Variants in EYA1 observed in about 807,000 individuals in gnomAD.
The protein encoded by EYA1 is EYA transcriptional coactivator and phosphatase 1, also known as protein phosphatase EYA1.
Under a neutral mutation model 82.0 loss-of-function variants are expected in EYA1, and 16 were observed. That is an observed-to-expected ratio of 0.20 (90% CI 0.13 to 0.30). EYA1 has a LOEUF of 0.30. Among genes scored for constraint, EYA1 ranks in the 10% least tolerant of loss-of-function variants. The pLI, the probability that EYA1 is intolerant of heterozygous loss-of-function variation, is 1.00. For synonymous variants in EYA1, 261 were observed against 264.4 expected (o/e 0.99, Z 0.12); for missense variants, 633 against 730.7 (o/e 0.87, Z 1.54).
At chr8:71,451,745 A>G (rs1054222170) in intron 2 of EYA1, among the ~76,000 whole-genome samples, 4 of 152,196 alleles carry the variant, frequency 2.6e-5, no homozygotes, top group African/African-American at 9.7e-5. Context: ...TTCCAATATC[A>G]AGTCACAAGA....
intron 11 of EYA1, among the ~76,000 whole-genome samples, chr8:71,261,907 T>C (rs1414132449): frequency 6.6e-6 from 1 of 152,218 alleles, no homozygotes; most frequent in African/African-American, 2.4e-5. Context: ...CTTTATTATT[T>C]TCTACCAGAG....
At chr8:71,479,262 T>C (rs768678018) in intron 2 of EYA1, among the ~76,000 whole-genome samples, 5 of 152,120 alleles carry the variant, frequency 3.3e-5, no homozygotes, top group Non-Finnish European at 5.9e-5. Flanking sequence ...CTGGATTTGC[T>C]CATGGCTCAC....
At chr8:71,448,025 T>TTTTTTTTTTTTTTTTTTGGTAACGGAG (rs935912194) in intron 2 of EYA1, among the ~76,000 whole-genome samples, 4 of 116,738 alleles carry the variant, frequency 3.4e-5, no homozygotes, top group Non-Finnish European at 5.1e-5. Context: ...TTTTTTTTTT[T>TTTTTTTTTTTTTTTTTTGGTAACGGAG]TCTCGCTCCG....
At chr8:71,383,950 G>C (rs1035930368) in intron 2 of EYA1, among the ~76,000 whole-genome samples, 1 of 151,676 alleles carries the variant, frequency 6.6e-6, no homozygotes, top group East Asian at 1.9e-4. Context: ...AAATTTTAAA[G>C]AACAAAAATT....
At chr8:71,437,322 T>C (rs7846453) in intron 2 of EYA1, among the ~76,000 whole-genome samples, 110,517 of 151,538 alleles carry the variant, frequency 0.73, 41,668 homozygotes, top group African/African-American at 0.85. Flanking sequence ...TTATTTATCT[T>C]GTCTGCTGAA....
At chr8:71,313,175 T>G (rs1821542377) in intron 7 of EYA1, among the ~76,000 whole-genome samples, 1 of 152,176 alleles carries the variant, frequency 6.6e-6, no homozygotes, top group South Asian at 2.1e-4. Context: ...CTCCTGATTT[T>G]TTTCTTCATG....
chr8:71,216,822 A>C lies in EYA1; in HGVS notation c.1230T>G (p.Pro410=). Residue 410 remains proline, a synonymous_variant, in exon 14 of 18, where the codon CCT becomes CCG. Transcript: ENST00000340726. ...ATAAGTTAGCACTGGTTGCTGCAGC[A>C]GGAAAGCCATCTGTTCCAAAGTTAT... The part of the protein sequence containing the change: ...STYNFGTDGF[P]AAATSANLCL... The C allele has an allele frequency of 6.2e-7, 1 of 1,614,196 alleles. No individual in the cohort carries two copies. Among genetic ancestry groups the C allele is most frequent in the Non-Finnish European group, 8.5e-7 (1 of 1,180,012 alleles).
At chr8:71,413,667 T>C (rs529876614) in intron 2 of EYA1, among the ~76,000 whole-genome samples, 1 of 152,218 alleles carries the variant, frequency 6.6e-6, no homozygotes, top group African/African-American at 2.4e-5. Flanking sequence ...AAATAAGGTA[T>C]CCCAATTGTG....
chr8:71,468,645 T>C (rs1485711149), intron 2 of EYA1, among the ~76,000 whole-genome samples: 1 of 152,150 alleles, frequency 6.6e-6, no homozygotes, highest in Non-Finnish European at 1.5e-5. Context: ...CATAAACATT[T>C]CTTAATGATG....
intron 4 of EYA1, among the ~76,000 whole-genome samples, chr8:71,330,085 C>T (rs573461041): frequency 3.4e-4 from 52 of 152,194 alleles, no homozygotes; most frequent in African/African-American, 1.1e-3. Flanking sequence ...GTAAGCAAGG[C>T]GGGCAGGCAA....
At chr8:71,394,403 T>A (rs1323325582) in intron 2 of EYA1, among the ~76,000 whole-genome samples, 8 of 152,226 alleles carry the variant, frequency 5.3e-5, no homozygotes, top group Non-Finnish European at 1.2e-4. Flanking sequence ...TCGGTTTTCT[T>A]CTAGGGTTGT....
intron 3 of EYA1, among the ~76,000 whole-genome samples, chr8:71,338,098 T>TTATATA (rs1408573910): frequency 0.017 from 2,591 of 152,346 alleles, 72 homozygotes; most frequent in African/African-American, 0.06. Context: ...TATAGATAAC[T>TTATATA]GGGTCCAAAT....
intron 1 of EYA1, among the ~76,000 whole-genome samples, chr8:71,357,391 C>A (rs988999027): frequency 6.6e-6 from 1 of 152,262 alleles, no homozygotes; most frequent in Non-Finnish European, 1.5e-5. Context: ...CTTTGACAGT[C>A]ACTGCCCTTC....
At chr8:71,456,009 C>G (rs575991757) in intron 2 of EYA1, among the ~76,000 whole-genome samples, 1 of 152,316 alleles carries the variant, frequency 6.6e-6, no homozygotes, top group African/African-American at 2.4e-5. Context: ...TAGAAAACCC[C>G]ATTATCTCAG....
chr8:71,296,950 C>T (rs562030517), intron 9 of EYA1, among the ~76,000 whole-genome samples: 2 of 152,008 alleles, frequency 1.3e-5, no homozygotes, highest in Admixed American at 6.6e-5. Context: ...TTAAAGAAAA[C>T]CATTTCTTTT....
intron 7 of EYA1, among the ~76,000 whole-genome samples, chr8:71,302,350 G>C (rs1820290291): frequency 6.6e-6 from 1 of 152,080 alleles, no homozygotes; most frequent in Admixed American, 6.6e-5. Context: ...AAAGACCATG[G>C]AAGCTATATT....
chr8:71,524,615 T>C (rs1185774767), intron 2 of EYA1, among the ~76,000 whole-genome samples: 2 of 152,228 alleles, frequency 1.3e-5, no homozygotes, highest in East Asian at 3.9e-4. Context: ...ATGTTTTTGA[T>C]ATAATAAAAA....
intron 4 of EYA1, among the ~76,000 whole-genome samples, chr8:71,327,131 G>A (rs779067175): frequency 6.6e-6 from 1 of 152,160 alleles, no homozygotes; most frequent in Non-Finnish European, 1.5e-5. Context: ...ACTTACCCAT[G>A]TATTATCCGT....
At chr8:71,475,339 T>C (rs1809574549) in intron 2 of EYA1, among the ~76,000 whole-genome samples, 1 of 152,160 alleles carries the variant, frequency 6.6e-6, no homozygotes, top group African/African-American at 2.4e-5. Context: ...GGACTGCAGG[T>C]CTAGAGCAAA....
Sources: gnomAD v4.1 joint callset for allele counts (sites outside exome capture counted in the v4.1 genomes callset) on GRCh38, gnomAD v4.1.1 for gene constraint, MANE v1.5 for transcripts, NCBI Gene and HGNC (gene_info 2026-07-23, HGNC 2026-07-21) for gene names.